Variants in BBS5 observed in about 807,000 individuals in gnomAD.
BBS5 encodes BBSome complex member BBS5.
In BBS5, 39 loss-of-function variants were observed where a neutral mutation model predicts 50.2. That is an observed-to-expected ratio of 0.78 (90% CI 0.60 to 1.01). The LOEUF (loss-of-function observed/expected upper bound fraction) is 1.01, where lower values mean the gene tolerates loss of function less well. Among genes scored for constraint, BBS5 ranks in the 50% least tolerant of loss-of-function variants. The pLI is 0.00. For synonymous variants in BBS5, 134 were observed against 133.1 expected (o/e 1.01, Z -0.05); for missense variants, 356 against 401.5 (o/e 0.89, Z 0.97).
Position 169,492,863 on chromosome 2 carries a change from CT to C in BBS5, c.387-6del. 1 of 1,607,786 alleles carries C rather than the reference CT, an allele frequency of 6.2e-7. No homozygotes were observed. The highest frequency in any genetic ancestry group is 8.5e-7 in the Non-Finnish European group (1 of 1,176,612). ...CAGTTTGAGTTGTCTTTTGTTTGTT[CT>C]TTTTCATAGAGCTTATGAAACTTCT... On this transcript the variant is annotated splice_polypyrimidine_tract_variant and intron_variant, in intron 5 of 11. Transcript: ENST00000295240.
rs1683625962 is a variant in BBS5, at chr2:169,492,959, G to A, written c.472G>A (p.Glu158Lys). The change falls in exon 6 of 12, where the codon GAA (glutamate) becomes AAA (lysine). Residue 158 changes from glutamate to lysine, a missense_variant. By Grantham distance (56) the Glu-to-Lys change is moderately conservative. Transcript: ENST00000295240. ...QNKQLRLLPQ[E>K]HVYDKINGVW... Reference sequence around the variant, plus strand: ...CAAGCAACTAAGACTGTTGCCACAAGAACATGTATATGATAAAATAAATGG... The same window carrying A: ...CAAGCAACTAAGACTGTTGCCACAAAAACATGTATATGATAAAATAAATGG... The A allele has an allele frequency of 6.2e-7, 1 of 1,613,442 alleles. No homozygotes were observed. Among genetic ancestry groups the A allele is most frequent in the African/African-American group, 1.3e-5 (1 of 74,902 alleles).
At position 169,480,670 on chromosome 2, in the gene BBS5, C is replaced by CTTTTTT. The variant is rs577688589; in HGVS notation, c.59+1081_59+1086dup. Among the ~76,000 whole-genome samples, 92 of 73,200 alleles carry CTTTTTT rather than the reference C, an allele frequency of 1.3e-3. 2 individuals carry two copies. The highest frequency in any genetic ancestry group is 3.2e-3 in the East Asian group (6 of 1,876). 48.0% of individuals were successfully genotyped at this position (73,200 alleles called of 152,430 possible). A position where few individuals can be genotyped will look rare whatever the true frequency, so the allele number is the denominator to read the frequency against. On this transcript the variant is annotated intron_variant, in intron 1 of 11. Transcript: ENST00000295240. ...ACTTTCTATGACATTTTCTGTCATT[C>CTTTTTT]TTTTTTTTTTTTTTTTTTTTTTTTT...
Position 169,505,091 on chromosome 2 carries a change from A to G in BBS5, c.*509A>G. Reference sequence around the variant, plus strand: ...TGCCTCAGCCTGCCGAGTGCCTGCGATTACAGGCGCGCGCCGCCACACCTG... The same window carrying G: ...TGCCTCAGCCTGCCGAGTGCCTGCGGTTACAGGCGCGCGCCGCCACACCTG... On this transcript the variant is annotated 3_prime_UTR_variant, in exon 12 of 12. Transcript: ENST00000295240. The G allele has an allele frequency of 8.8e-7, 1 of 1,132,612 alleles. No individual in the cohort carries two copies. Among genetic ancestry groups the G allele is most frequent in the Non-Finnish European group, 1.3e-6 (1 of 762,270 alleles). The allele number at this position is 1,132,612 out of a possible 1,614,324, so 70.2% of individuals were successfully genotyped here.
Position 169,487,058 on chromosome 2 carries a change from T to C in BBS5, c.143-11T>C, listed in dbSNP as rs773551745. 9.1e-5 allele frequency: 145 copies of C among 1,601,384 alleles called. No individual in the cohort carries two copies. Among genetic ancestry groups the C allele is most frequent in the Admixed American group, 1.7e-4 (10 of 59,974 alleles). The stretch of plus-strand genomic sequence containing the variant: ...TTTAAGTTAACCTATTTTTTGTCTG[T>C]GTGCTTTTAGGTAGACTCTTGGTAA... On this transcript the variant is annotated splice_polypyrimidine_tract_variant and intron_variant, in intron 2 of 11. Coordinates refer to ENST00000295240, the MANE Select transcript of BBS5 (RefSeq NM_152384.3).
chr2:169,504,381 T>C (rs1485144880), intron 11 of BBS5, 55 bp downstream of exon 11: 2 of 1,595,600 alleles, frequency 1.3e-6, no homozygotes, highest in African/African-American at 1.3e-5. Flanking sequence ...AATTCCAACA[T>C]TTAGCATTCA....
intron 6 of BBS5, 146 bp downstream of exon 6, chr2:169,493,155 TTGA>T: frequency 1.1e-6 from 1 of 919,576 alleles, no homozygotes; most frequent in South Asian, 1.4e-5. Context: ...ACAAGTTAGG[TTGA>T]TGATAACATC....
chr2:169,499,232 C>T (rs188606389), intron 8 of BBS5: 31 of 434,404 alleles, frequency 7.1e-5, no homozygotes, highest in African/African-American at 5.0e-4. Flanking sequence ...CAGGTGAGGG[C>T]GAGGTTACAG....
At position 169,504,400 on chromosome 2, in the gene BBS5, T is replaced by C. The variant is rs944760881; in HGVS notation, c.924+74T>C. The C allele has an allele frequency of 1.7e-5, 27 of 1,588,164 alleles. No individual in the cohort carries two copies. The Admixed American group carries it at 2.5e-4, about 15-fold the overall frequency. The stretch of plus-strand genomic sequence containing the variant: ...CCAACATTTAGCATTCACAAACTTA[T>C]GTGAAACCTATTTTTTTGTTTTTTT... On this transcript the variant is annotated intron_variant, in intron 11 of 11. Transcript: ENST00000295240.
In BBS5 at chr2:169,479,540, G is replaced by A; in HGVS notation, c.-14G>A. On this transcript the variant is annotated 5_prime_UTR_variant, in exon 1 of 12. Coordinates refer to ENST00000295240, the MANE Select transcript of BBS5 (RefSeq NM_152384.3). ...CACGGCTGTGGAGAGATCCTGCCACGGGCCTTGTTCACCATGTCGGTGCTG... is the reference window on the plus strand; with the variant it reads ...CACGGCTGTGGAGAGATCCTGCCACAGGCCTTGTTCACCATGTCGGTGCTG... 1.9e-6 allele frequency: 3 copies of A among 1,614,138 alleles called. No individual in the cohort carries two copies. The highest frequency in any genetic ancestry group is 2.5e-6 in the Non-Finnish European group (3 of 1,179,978).
intron 3 of BBS5, 142 bp downstream of exon 3, chr2:169,487,276 A>G (rs1683502723): frequency 1.5e-6 from 1 of 652,176 alleles, no homozygotes; most frequent in African/African-American, 1.8e-5. Context: ...CATAATGCAA[A>G]CAAAATTATC....
At chr2:169,501,614 C>T (rs1421731028) in intron 9 of BBS5, among the ~76,000 whole-genome samples, 2 of 151,900 alleles carry the variant, frequency 1.3e-5, no homozygotes, top group African/African-American at 4.8e-5. Flanking sequence ...GTGGTGGTGC[C>T]GGCCTGTAGT....
intron 5 of BBS5, among the ~76,000 whole-genome samples, chr2:169,489,734 G>A (rs1198460331): frequency 6.6e-6 from 1 of 150,536 alleles, no homozygotes; most frequent in Non-Finnish European, 1.5e-5. Flanking sequence ...AAGATGACAG[G>A]ATATAGACAC....
intron 9 of BBS5, among the ~76,000 whole-genome samples, chr2:169,500,942 T>G (rs972446613): frequency 6.6e-6 from 1 of 152,214 alleles, no homozygotes; most frequent in Non-Finnish European, 1.5e-5. Flanking sequence ...TGACTGTAGA[T>G]CTTTCCTTCT....
At chr2:169,488,711 T>A (rs1683531814) in intron 5 of BBS5, among the ~76,000 whole-genome samples, 1 of 152,228 alleles carries the variant, frequency 6.6e-6, no homozygotes, top group Non-Finnish European at 1.5e-5. Context: ...AGGAAGATGT[T>A]GAGAACAACA....
chr2:169,504,929 G>A lies in BBS5; in HGVS notation c.*347G>A. 6.2e-7 allele frequency: 1 copy of A among 1,613,770 alleles called. No individual in the cohort carries two copies. The highest frequency in any genetic ancestry group is 2.2e-5 in the East Asian group (1 of 44,848). On this transcript the variant is annotated 3_prime_UTR_variant, in exon 12 of 12. Coordinates refer to ENST00000295240, the MANE Select transcript of BBS5 (RefSeq NM_152384.3). ...CAATGGGGACGTTGCGGCCCAGTGG[G>A]TGGAGGTCCAAAGAGGACTGGTGAT...
intron 7 of BBS5, 94 bp from the exon 8 acceptor site, chr2:169,497,533 A>T: frequency 1.3e-6 from 1 of 780,316 alleles, no homozygotes; most frequent in South Asian, 1.5e-5. Context: ...AGACTATGAA[A>T]AGTAAATACT....
chr2:169,501,218 A>G (rs1490235018), intron 9 of BBS5, among the ~76,000 whole-genome samples: 1 of 152,292 alleles, frequency 6.6e-6, no homozygotes, highest in Middle Eastern at 3.4e-3. Flanking sequence ...GGCACTGTCA[A>G]AGTCAGCTGT....
In BBS5 at chr2:169,479,552, C is replaced by G. The variant is rs199854347; in HGVS notation, c.-2C>G. Reference sequence around the variant, plus strand: ...GAGATCCTGCCACGGGCCTTGTTCACCATGTCGGTGCTGGATGCGCTTTGG... The same window carrying G: ...GAGATCCTGCCACGGGCCTTGTTCAGCATGTCGGTGCTGGATGCGCTTTGG... On this transcript the variant is annotated 5_prime_UTR_variant, in exon 1 of 12. Coordinates refer to ENST00000295240, the MANE Select transcript of BBS5 (RefSeq NM_152384.3). 3.1e-6 allele frequency: 5 copies of G among 1,614,174 alleles called. No individual in the cohort carries two copies. The highest frequency in any genetic ancestry group is 4.2e-6 in the Non-Finnish European group (5 of 1,180,008).
intron 1 of BBS5, among the ~76,000 whole-genome samples, chr2:169,481,811 C>A (rs1683402889): frequency 6.6e-6 from 1 of 152,110 alleles, no homozygotes; most frequent in East Asian, 1.9e-4. Flanking sequence ...CTCTCCTGTG[C>A]ACAGGATAAG....
Sources: gnomAD v4.1 joint callset for allele counts (sites outside exome capture counted in the v4.1 genomes callset) on GRCh38, gnomAD v4.1.1 for gene constraint, MANE v1.5 for transcripts, NCBI Gene and HGNC (gene_info 2026-07-23, HGNC 2026-07-21) for gene names.